The following PAK3 variants were observed in gnomAD, a reference collection of about 807,000 sequenced individuals.
The protein encoded by PAK3 is p21 (RAC1) activated kinase 3, also known as serine/threonine-protein kinase PAK 3.
A neutral mutation model predicts 41.0 loss-of-function variants in PAK3; 4 were observed. The ratio of observed to expected loss-of-function variants is 0.10; its 90% CI spans 0.05 to 0.22. The LOEUF (loss-of-function observed/expected upper bound fraction) is 0.22. PAK3 is among the 10% of genes least tolerant of loss of function. The pLI is 1.00. For missense variants in PAK3, 205 were observed against 409.9 expected (o/e 0.50, Z 4.32); for synonymous variants, 146 against 139.6 (o/e 1.05, Z -0.32).
At chrX:111,115,523 T>C (rs767071117) in intron 4 of PAK3, among the ~76,000 whole-genome samples, 1 of 111,684 alleles carries the variant, frequency 9.0e-6, no homozygotes, top group South Asian at 3.8e-4. Context: ...TCCTTCAGTA[T>C]TTAAGAAAGC....
At chrX:111,187,937 G>A (rs1409239684) in intron 11 of PAK3, among the ~76,000 whole-genome samples, 1 of 79,077 alleles carries the variant, frequency 1.3e-5, no homozygotes, top group Non-Finnish European at 2.3e-5. Flanking sequence ...CCAGGGTACA[G>A]GGTAGGGAAA....
chrX:111,214,081 G>A (rs1292007772), intron 16 of PAK3, among the ~76,000 whole-genome samples: 2 of 111,614 alleles, frequency 1.8e-5, no homozygotes, highest in Non-Finnish European at 3.8e-5. Context: ...AGGGGTGAGG[G>A]ATGTATTTAC....
chrX:111,204,691 C>T (rs977028353), intron 16 of PAK3, among the ~76,000 whole-genome samples: 1 of 111,048 alleles, frequency 9.0e-6, no homozygotes, highest in African/African-American at 3.3e-5. Context: ...TCTAATAAAA[C>T]AGTACTCTGA....
intron 1 of PAK3, chrX:110,944,636 C>G (rs1264400554): frequency 8.9e-6 from 1 of 112,313 alleles, no homozygotes; most frequent in Non-Finnish European, 1.9e-5. Flanking sequence ...CAGGTCTGTG[C>G]AGGGGGGGCG....
chrX:111,196,749 G>C, intron 16 of PAK3, 109 bp downstream of exon 16: 1 of 511,479 alleles, frequency 2.0e-6, no homozygotes, highest in East Asian at 3.6e-5. Context: ...TCTGAGACCA[G>C]TAACATAGAA....
At chrX:111,144,266 G>A (rs2093913486) in intron 6 of PAK3, among the ~76,000 whole-genome samples, 1 of 111,876 alleles carries the variant, frequency 8.9e-6, no homozygotes, top group South Asian at 3.7e-4. Context: ...CTGTTCGGAA[G>A]TATTCCATTG....
intron 1 of PAK3, among the ~76,000 whole-genome samples, chrX:111,047,600 A>T (rs1289832986): frequency 9.0e-6 from 1 of 111,271 alleles, no homozygotes; most frequent in African/African-American, 3.3e-5. Flanking sequence ...GGGACCAGTA[A>T]GTAGCTTGTG....
rs60724970 is a variant in PAK3, at chrX:110,969,094, A to ATTTTTTTT, written c.-28+24484_-28+24491dup. Among the ~76,000 whole-genome samples the ATTTTTTTT allele has an allele frequency of 1.0e-2, 404 of 40,586 alleles. 41 individuals carry two copies. The highest frequency in any genetic ancestry group is 0.012 in the Admixed American group (25 of 2,061). 35.2% of individuals were successfully genotyped at this position (40,586 alleles called of 115,157 possible). A position where few individuals can be genotyped will look rare whatever the true frequency, so the allele number is the denominator to read the frequency against. On this transcript the variant is annotated intron_variant, in intron 1 of 14. Transcript: ENST00000425146. ...AGGCATGTGCTACCAGACCTGCCTA[A>ATTTTTTTT]TTTTTTTTTTTTTTTTTTTTTTTTT...
chrX:110,970,779 G>T (rs1402050828), intron 1 of PAK3, among the ~76,000 whole-genome samples: 1 of 111,559 alleles, frequency 9.0e-6, no homozygotes, highest in Non-Finnish European at 1.9e-5. Flanking sequence ...AAGTACAATT[G>T]GTTTTTGTAT....
chrX:111,044,506 C>T (rs1363060865), intron 1 of PAK3, among the ~76,000 whole-genome samples: 2 of 111,967 alleles, frequency 1.8e-5, no homozygotes, highest in Non-Finnish European at 3.8e-5. Context: ...TTCCTTTATT[C>T]CCAAGTACCC....
intron 1 of PAK3, among the ~76,000 whole-genome samples, chrX:111,059,809 T>A (rs1225379394): frequency 8.9e-6 from 1 of 112,071 alleles, no homozygotes; most frequent in African/African-American, 3.2e-5. Flanking sequence ...TTGCTGAACT[T>A]ATTTGTCTAA....
chrX:111,021,164 A>G (rs1375640677), intron 1 of PAK3, among the ~76,000 whole-genome samples: 1 of 111,725 alleles, frequency 9.0e-6, no homozygotes, highest in African/African-American at 3.3e-5. Flanking sequence ...GTGTCTTTGC[A>G]TCCTCCTTGT....
intron 16 of PAK3, among the ~76,000 whole-genome samples, chrX:111,198,656 G>A (rs1170593040): frequency 7.2e-5 from 8 of 110,699 alleles, no homozygotes; most frequent in African/African-American, 2.3e-4. Flanking sequence ...CTTTATTTCC[G>A]GGTTCTCTCA....
chrX:111,204,719 G>A (rs936995256), intron 16 of PAK3, among the ~76,000 whole-genome samples: 1 of 110,988 alleles, frequency 9.0e-6, no homozygotes, highest in Non-Finnish European at 1.9e-5. Flanking sequence ...TAGATAAGAC[G>A]CTCTGCAGAG....
At chrX:110,987,080 C>T (rs1414364956) in intron 1 of PAK3, among the ~76,000 whole-genome samples, 1 of 111,972 alleles carries the variant, frequency 8.9e-6, no homozygotes, top group Non-Finnish European at 1.9e-5. Flanking sequence ...GTCCAGTCCA[C>T]TGCCTAGGTT....
At chrX:111,031,212 A>G (rs529864716) in intron 1 of PAK3, among the ~76,000 whole-genome samples, 36 of 112,121 alleles carry the variant, frequency 3.2e-4, no homozygotes, top group African/African-American at 1.2e-3. Flanking sequence ...GAACTAGAAT[A>G]CAGTAAGTGA....
intron 1 of PAK3, among the ~76,000 whole-genome samples, chrX:110,989,250 C>T (rs1014413132): frequency 8.0e-5 from 9 of 111,922 alleles, no homozygotes; most frequent in Non-Finnish European, 1.5e-4. Flanking sequence ...ACCTACTACT[C>T]TTACCATTTC....
At chrX:111,193,428 C>A (rs919382886) in intron 13 of PAK3, among the ~76,000 whole-genome samples, 1 of 105,296 alleles carries the variant, frequency 9.5e-6, no homozygotes, top group Non-Finnish European at 1.9e-5. Context: ...CAGCTCACTG[C>A]AACCTCTGCC....
At chrX:110,950,631 T>C (rs890799288) in intron 1 of PAK3, among the ~76,000 whole-genome samples, 4 of 111,968 alleles carry the variant, frequency 3.6e-5, no homozygotes, top group African/African-American at 1.3e-4. Flanking sequence ...CTGTGTATTT[T>C]ATTCTTATAA....
Sources: gnomAD v4.1 joint callset for allele counts (sites outside exome capture counted in the v4.1 genomes callset) on GRCh38, gnomAD v4.1.1 for gene constraint, MANE v1.5 for transcripts, NCBI Gene and HGNC (gene_info 2026-07-23, HGNC 2026-07-21) for gene names.